Variants in CTTNBP2NL observed in about 807,000 individuals in gnomAD.
CTTNBP2NL encodes the protein CTTNBP2 N-terminal like.
CTTNBP2NL carries 16 observed loss-of-function variants against 32.5 expected under a neutral mutation model. The observed-to-expected ratio is 0.49, with a 90% CI of 0.33 to 0.75. CTTNBP2NL has a LOEUF of 0.75. Ranked by LOEUF, CTTNBP2NL falls within the 30% of genes least tolerant of loss-of-function variation. The pLI is 0.02. For missense variants in CTTNBP2NL, 645 were observed against 756.0 expected (o/e 0.85, Z 1.72); for synonymous variants, 298 against 289.4 (o/e 1.03, Z -0.30).
chr1:112,392,104 G>A (rs970243594), upstream of CTTNBP2NL, among the ~76,000 whole-genome samples: 3 of 152,210 alleles, frequency 2.0e-5, no homozygotes, highest in African/African-American at 4.8e-5. Context: ...AATATTTGTT[G>A]CATTCCCCAT....
chr1:112,406,514 TGAG>T (rs1468297417), intron 1 of CTTNBP2NL, among the ~76,000 whole-genome samples: 1 of 152,306 alleles, frequency 6.6e-6, no homozygotes, highest in East Asian at 1.9e-4. Flanking sequence ...ATCTGTTAAA[TGAG>T]GAGGATGATG....
rs1650496126 is a variant in CTTNBP2NL at position 112,459,844 on chromosome 1, A to G, written c.*2432A>G. The stretch of plus-strand genomic sequence containing the variant: ...AGAGAGAGATACTATAAGGAAGTTT[A>G]TTTCTTAGGAAGTGCACTGAATAAT... On this transcript the variant is annotated 3_prime_UTR_variant, in exon 6 of 6. Coordinates refer to ENST00000271277, the MANE Select transcript of CTTNBP2NL (RefSeq NM_018704.3). 1.3e-5 allele frequency: 2 copies of G among 152,322 alleles called. No individual in the cohort carries two copies. The highest frequency in any genetic ancestry group is 2.1e-4 in the South Asian group (1 of 4,832). The allele number at this position is 152,322 out of a possible 1,614,324, so 9.4% of individuals were successfully genotyped here.
chr1:112,431,566 C>A (rs775757118), intron 3 of CTTNBP2NL, among the ~76,000 whole-genome samples: 1 of 152,130 alleles, frequency 6.6e-6, no homozygotes, highest in Non-Finnish European at 1.5e-5. Flanking sequence ...CAAAACAGTT[C>A]TCTCACATAT....
chr1:112,451,617 C>G (rs1057273995), intron 4 of CTTNBP2NL, among the ~76,000 whole-genome samples: 21 of 151,332 alleles, frequency 1.4e-4, no homozygotes, highest in Admixed American at 9.2e-4. Flanking sequence ...GCTAAAAATA[C>G]AAAAATTAGC....
intron 1 of CTTNBP2NL, among the ~76,000 whole-genome samples, chr1:112,399,192 A>T (rs899531225): frequency 1.3e-5 from 2 of 151,680 alleles, no homozygotes; most frequent in Non-Finnish European, 2.9e-5. Context: ...GGTGGCATGC[A>T]CCTGTAATCC....
At chr1:112,434,422 A>G (rs1444781747) in intron 3 of CTTNBP2NL, among the ~76,000 whole-genome samples, 1 of 152,192 alleles carries the variant, frequency 6.6e-6, no homozygotes, top group Non-Finnish European at 1.5e-5. Context: ...GTGTCTAATC[A>G]GGTGCTAAAA....
chr1:112,401,865 A>T (rs931439106), intron 1 of CTTNBP2NL, among the ~76,000 whole-genome samples: 1 of 152,234 alleles, frequency 6.6e-6, no homozygotes, highest in African/African-American at 2.4e-5. Flanking sequence ...TTGCTGTTTA[A>T]TGAATCCTTT....
rs1759691 is a variant in CTTNBP2NL at position 112,449,259 on chromosome 1, C to T, written c.330+87C>T. On this transcript the variant is annotated intron_variant, in intron 4 of 5. Coordinates refer to ENST00000271277, the MANE Select transcript of CTTNBP2NL (RefSeq NM_018704.3). ...TTTCTTGTCAGCTGCCAGTTTTTCA[C>T]AGTAATTCAATTGGGACATCTCACG... is the stretch of plus-strand genomic sequence containing the variant. The T allele has an allele frequency of 6.8e-3, 4,946 of 729,802 alleles. 124 individuals carry two copies. Among genetic ancestry groups the T allele is most frequent in the African/African-American group, 0.059 (3,369 of 56,750 alleles). 45.2% of individuals were successfully genotyped at this position (729,802 alleles called of 1,614,324 possible). A position where few individuals can be genotyped will look rare whatever the true frequency, so the allele number is the denominator to read the frequency against.
At chr1:112,417,387 C>T (rs974996860) in intron 3 of CTTNBP2NL, among the ~76,000 whole-genome samples, 1 of 152,178 alleles carries the variant, frequency 6.6e-6, no homozygotes, top group Non-Finnish European at 1.5e-5. Flanking sequence ...TTTAAAGCCT[C>T]TTCTTATGTA....
rs187014738 is a variant in CTTNBP2NL, at chr1:112,414,487, A to T, written c.-9-1670A>T. Among the ~76,000 whole-genome samples the T allele has an allele frequency of 3.9e-4, 60 of 152,326 alleles. No homozygotes were observed. In the East Asian group the frequency reaches 0.011, roughly 29 times the overall value. ...ACAAAGTGAAGTATGCATTTTATAC[A>T]TGTTCACTTAAAAGCAGTAGCTCTG... is the stretch of plus-strand genomic sequence containing the variant. On this transcript the variant is annotated intron_variant, in intron 2 of 5. Coordinates refer to ENST00000271277, the MANE Select transcript of CTTNBP2NL (RefSeq NM_018704.3).
intron 3 of CTTNBP2NL, among the ~76,000 whole-genome samples, chr1:112,447,616 C>A (rs2488788): frequency 6.6e-6 from 1 of 151,778 alleles, no homozygotes; most frequent in African/African-American, 2.4e-5. Flanking sequence ...AAGAAGAAGT[C>A]TTCAGATTTT....
Sources: allele counts gnomAD v4.1 joint callset (sites outside exome capture counted in the v4.1 genomes callset), GRCh38; gene constraint gnomAD v4.1.1; transcripts MANE v1.5; gene names NCBI Gene and HGNC (gene_info 2026-07-23, HGNC 2026-07-21).